Variants in SIPA1L3 observed in about 807,000 individuals in gnomAD.
The protein encoded by SIPA1L3 is signal-induced proliferation-associated 1-like protein 3.
In SIPA1L3, 59 loss-of-function variants were observed where a neutral mutation model predicts 150.1. The observed-to-expected ratio is 0.39, with a 90% CI of 0.32 to 0.49. The LOEUF is 0.49. Ranked by LOEUF, SIPA1L3 falls within the 20% of genes least tolerant of loss-of-function variation. The pLI, the probability that SIPA1L3 is intolerant of heterozygous loss-of-function variation, is 0.86. For synonymous variants in SIPA1L3, 1,070 were observed against 1,077.6 expected (o/e 0.99, Z 0.14); for missense variants, 2,211 against 2,489.5 (o/e 0.89, Z 2.38).
intron 3 of SIPA1L3, among the ~76,000 whole-genome samples, chr19:38,085,471 C>T (rs1456347328): frequency 1.5e-5 from 2 of 136,350 alleles, no homozygotes; most frequent in East Asian, 4.2e-4. Flanking sequence ...CAGAGTGAGA[C>T]TCCGTCTCAA....
At chr19:37,925,503 T>TTC in intron 1 of SIPA1L3, among the ~76,000 whole-genome samples, 1 of 151,836 alleles carries the variant, frequency 6.6e-6, no homozygotes, top group South Asian at 2.1e-4. Flanking sequence ...AGAGAGGAGA[T>TTC]ATTTGCAGAT....
At chr19:38,044,608 C>A (rs997066267) in intron 2 of SIPA1L3, among the ~76,000 whole-genome samples, 1 of 152,186 alleles carries the variant, frequency 6.6e-6, no homozygotes, top group East Asian at 1.9e-4. Flanking sequence ...GGTGTGACTA[C>A]ACGTGTTGTT....
At chr19:38,189,258 G>A (rs1337201862) in intron 16 of SIPA1L3, among the ~76,000 whole-genome samples, 1 of 151,176 alleles carries the variant, frequency 6.6e-6, no homozygotes, top group Non-Finnish European at 1.5e-5. Context: ...CTTAGTAGCT[G>A]GGCCCATAGG....
rs369777764 is a variant in SIPA1L3 at position 38,142,630 on chromosome 19, C to G, written c.3453C>G (p.Val1151=). The G allele has an allele frequency of 2.6e-4, 424 of 1,613,904 alleles. No individual in the cohort carries two copies. Among genetic ancestry groups the G allele is most frequent in the Non-Finnish European group, 3.3e-4 (389 of 1,179,950 alleles). The part of the protein sequence containing the change: ...YTVSPAGADR[V]PPYRQPSGSF... The stretch of plus-strand genomic sequence containing the variant: ...TATCACCAGCAGGGGCCGACAGAGT[C>G]CCTCCCTACCGACAGCCTTCTGGGA... Residue 1151 remains valine, a synonymous_variant, in exon 12 of 22, where the codon GTC becomes GTG. Transcript: ENST00000222345.
intron 12 of SIPA1L3, among the ~76,000 whole-genome samples, chr19:38,152,292 CT>C (rs1186366668): frequency 6.6e-6 from 1 of 152,216 alleles, no homozygotes; most frequent in African/African-American, 2.4e-5. Flanking sequence ...GAAGGACCTA[CT>C]GTTATCGCCT....
chr19:38,142,426 C>T, intron 11 of SIPA1L3, 147 bp from the exon 12 acceptor site: 1 of 846,384 alleles, frequency 1.2e-6, no homozygotes, highest in Non-Finnish European at 1.8e-6. Context: ...CAGTGAATAG[C>T]AGAAGGGATG....
At chr19:37,970,955 A>G (rs950148664) in intron 1 of SIPA1L3, among the ~76,000 whole-genome samples, 1 of 152,190 alleles carries the variant, frequency 6.6e-6, no homozygotes, top group African/African-American at 2.4e-5. Flanking sequence ...TGCATGGTCC[A>G]GAATGATTCT....
chr19:38,180,993 C>T (rs764020763), intron 15 of SIPA1L3, among the ~76,000 whole-genome samples: 3 of 152,164 alleles, frequency 2.0e-5, no homozygotes, highest in Non-Finnish European at 4.4e-5. Context: ...TCTGCCCCTT[C>T]TCTCCTCTCC....
At chr19:37,932,963 G>C (rs1203036445) in intron 1 of SIPA1L3, among the ~76,000 whole-genome samples, 1 of 152,098 alleles carries the variant, frequency 6.6e-6, no homozygotes, top group Non-Finnish European at 1.5e-5. Context: ...TCTGTGCCGG[G>C]GCTGGGGGCG....
intron 3 of SIPA1L3, 111 bp from the exon 4 acceptor site, chr19:38,088,610 C>A: frequency 7.3e-7 from 1 of 1,361,060 alleles, no homozygotes; most frequent in Non-Finnish European, 1.0e-6. Context: ...GACCAGCATC[C>A]CACAGATTGC....
At chr19:37,974,949 G>A (rs965150552) in intron 1 of SIPA1L3, among the ~76,000 whole-genome samples, 2 of 152,132 alleles carry the variant, frequency 1.3e-5, no homozygotes, top group Non-Finnish European at 2.9e-5. Context: ...AGGCTGAGGC[G>A]GGCAGATCAC....
chr19:37,912,417 A>G (rs1037819967), intron 1 of SIPA1L3, among the ~76,000 whole-genome samples: 2 of 152,054 alleles, frequency 1.3e-5, no homozygotes, highest in Non-Finnish European at 2.9e-5. Flanking sequence ...GAAAATGGGG[A>G]TGATACCAGT....
intron 18 of SIPA1L3, 63 bp downstream of exon 18, chr19:38,193,843 C>A: frequency 6.9e-7 from 1 of 1,453,524 alleles, no homozygotes; most frequent in East Asian, 2.6e-5. Context: ...TGGGGATGCC[C>A]GAGCAGGGGC....
intron 16 of SIPA1L3, among the ~76,000 whole-genome samples, chr19:38,191,072 A>C (rs938467795): frequency 6.6e-6 from 1 of 152,206 alleles, no homozygotes; most frequent in Non-Finnish European, 1.5e-5. Flanking sequence ...ATGAGATGGG[A>C]TACCAATAGT....
At chr19:37,965,090 T>C (rs960153087) in intron 1 of SIPA1L3, among the ~76,000 whole-genome samples, 5 of 152,208 alleles carry the variant, frequency 3.3e-5, no homozygotes, top group Non-Finnish European at 7.3e-5. Flanking sequence ...TTTCCTAATA[T>C]GGGATCAATT....
In SIPA1L3 at chr19:38,135,995, G is replaced by A. The variant is rs184183858; in HGVS notation, c.3144-5189G>A. Among the ~76,000 whole-genome samples the A allele has an allele frequency of 4.1e-4, 63 of 152,036 alleles. 1 individual carries two copies. The highest frequency in any genetic ancestry group is 3.4e-3 in the Middle Eastern group (1 of 294). Reference sequence around the variant, plus strand: ...CATGCTCTCAGACACCGAGGAGAATGCATGGGGTCTTCCTCCTACCCCCAG... The same window carrying A: ...CATGCTCTCAGACACCGAGGAGAATACATGGGGTCTTCCTCCTACCCCCAG... On this transcript the variant is annotated intron_variant, in intron 10 of 21. Transcript: ENST00000222345.
Position 38,164,702 on chromosome 19 carries a change from A to C in SIPA1L3, c.4004A>C (p.His1335Pro), listed in dbSNP as rs377711508. 3.9e-5 allele frequency: 63 copies of C among 1,613,972 alleles called. No homozygotes were observed. Among genetic ancestry groups the C allele is most frequent in the Non-Finnish European group, 5.3e-5 (62 of 1,180,006 alleles). Residue 1335 changes from histidine (H) to proline (P), a missense_variant, in exon 15 of 22, where the codon CAC (histidine) becomes CCC (proline). His to Pro is a moderately conservative substitution (Grantham distance 77, BLOSUM62 -2). Coordinates refer to ENST00000222345, the MANE Select transcript of SIPA1L3 (RefSeq NM_015073.3). This position sits in a 1 kb window ranked among gnomAD's most constrained non-coding sequence, Gnocchi z 4.1. ...LAKAPRPAKP[H>P]KPPGSMGLCG... ...AAGGCTCCACGGCCCGCCAAGCCACACAAGCCCCCTGGAAGTATGGGCCTT... is the reference window on the plus strand; with the variant it reads ...AAGGCTCCACGGCCCGCCAAGCCACCCAAGCCCCCTGGAAGTATGGGCCTT...
intron 1 of SIPA1L3, among the ~76,000 whole-genome samples, chr19:37,983,223 T>A (rs1032533158): frequency 6.6e-6 from 1 of 152,188 alleles, no homozygotes; most frequent in Non-Finnish European, 1.5e-5. Context: ...AAATGCCACA[T>A]CTGGGCTAGA....
intron 9 of SIPA1L3, among the ~76,000 whole-genome samples, chr19:38,126,079 C>T (rs1971164849): frequency 6.6e-6 from 1 of 152,052 alleles, no homozygotes; most frequent in Admixed American, 6.6e-5. Flanking sequence ...GAGGCTGAGG[C>T]AGAAGAATGG....
Sources: allele counts gnomAD v4.1 joint callset (sites outside exome capture counted in the v4.1 genomes callset), GRCh38; gene constraint gnomAD v4.1.1; non-coding constraint Gnocchi (gnomAD v3.1); transcripts MANE v1.5; gene names NCBI Gene and HGNC (gene_info 2026-07-23, HGNC 2026-07-21).